Variants in ELOVL6 observed in about 807,000 individuals in gnomAD.
The protein encoded by ELOVL6 is ELOVL fatty acid elongase 6.
In ELOVL6, 8 loss-of-function variants were observed where a neutral mutation model predicts 31.7. The observed-to-expected ratio is 0.25, with a 90% CI of 0.15 to 0.45. The LOEUF (loss-of-function observed/expected upper bound fraction) is 0.45. ELOVL6 is among the 20% of genes least tolerant of loss of function. The pLI is 1.00. For synonymous variants in ELOVL6, 101 were observed against 117.7 expected (o/e 0.86, Z 0.92); for missense variants, 126 against 326.4 (o/e 0.39, Z 4.73).
chr4:110,157,015 C>A (rs1758448202), intron 1 of ELOVL6, among the ~76,000 whole-genome samples: 1 of 152,150 alleles, frequency 6.6e-6, no homozygotes, highest in African/African-American at 2.4e-5. Flanking sequence ...CTGATAGAAA[C>A]TGGCTAATCA....
chr4:110,181,206 A>G (rs1373835585), intron 1 of ELOVL6, among the ~76,000 whole-genome samples: 1 of 151,982 alleles, frequency 6.6e-6, no homozygotes, highest in Non-Finnish European at 1.5e-5. Context: ...CAACACTCTG[A>G]GAGGCTGAGG....
At chr4:110,052,825 C>A (rs1236797482) in intron 3 of ELOVL6, among the ~76,000 whole-genome samples, 2 of 152,208 alleles carry the variant, frequency 1.3e-5, no homozygotes, top group East Asian at 1.9e-4. Flanking sequence ...CAGGTGAATG[C>A]GTCTTTCTCC....
intron 2 of ELOVL6, among the ~76,000 whole-genome samples, chr4:110,092,392 T>C (rs1756450659): frequency 1.3e-5 from 2 of 152,320 alleles, no homozygotes; most frequent in South Asian, 4.1e-4. Context: ...AGCATTTATA[T>C]GTAGGAAAAT....
intron 2 of ELOVL6, among the ~76,000 whole-genome samples, chr4:110,072,728 G>A (rs1377188912): frequency 2.6e-5 from 4 of 152,156 alleles, no homozygotes; most frequent in Non-Finnish European, 5.9e-5. Context: ...AGCTCTTGAA[G>A]TCTCCAAGAT....
chr4:110,147,291 A>AG (rs1487220997), intron 1 of ELOVL6: 1 of 157,682 alleles, frequency 6.3e-6, no homozygotes, highest in Non-Finnish European at 1.4e-5. Context: ...AAAAAAAAAA[A>AG]AAAAAGAAAA....
rs1054163608 is a variant in ELOVL6, at chr4:110,048,149, A to T, written c.*3189T>A. ...TTCCCTCTTCTCCCCTTACTTTTGTAGTGGAGCATAATTAGAAGGATGGGA... is the reference window on the plus strand; with the variant it reads ...TTCCCTCTTCTCCCCTTACTTTTGTTGTGGAGCATAATTAGAAGGATGGGA... On this transcript the variant is annotated 3_prime_UTR_variant, in exon 4 of 4. Transcript: ENST00000302274. 6.6e-6 allele frequency: 1 copy of T among 152,128 alleles called. No homozygotes were observed. The highest frequency in any genetic ancestry group is 2.4e-5 in the African/African-American group (1 of 41,426). 9.4% of individuals were successfully genotyped at this position (152,128 alleles called of 1,614,324 possible). A position where few individuals can be genotyped will look rare whatever the true frequency, so the allele number is the denominator to read the frequency against.
chr4:110,067,978 T>G (rs2126225662), intron 2 of ELOVL6, among the ~76,000 whole-genome samples: 1 of 152,318 alleles, frequency 6.6e-6, no homozygotes, highest in African/African-American at 2.4e-5. Context: ...ACTTAGACAT[T>G]AACGCCTTTC....
intron 2 of ELOVL6, among the ~76,000 whole-genome samples, chr4:110,061,549 CTTTTT>C (rs57846282): frequency 9.7e-4 from 70 of 72,374 alleles, no homozygotes; most frequent in Admixed American, 3.6e-3. Flanking sequence ...CAAATGATGG[CTTTTT>C]TTTTTTTTTT....
chr4:110,097,284 G>A (rs1756608041), intron 2 of ELOVL6, among the ~76,000 whole-genome samples: 1 of 129,668 alleles, frequency 7.7e-6, no homozygotes. Flanking sequence ...CAGCCTGGGT[G>A]ACAGAGCGAG....
intron 3 of ELOVL6, among the ~76,000 whole-genome samples, chr4:110,052,148 T>C (rs79281915): frequency 6.6e-6 from 1 of 152,314 alleles, no homozygotes; most frequent in Non-Finnish European, 1.5e-5. Flanking sequence ...CCAACTCAAC[T>C]ATACATTTTA....
chr4:110,059,251 C>CT (rs1755075612), intron 3 of ELOVL6, among the ~76,000 whole-genome samples: 1 of 152,166 alleles, frequency 6.6e-6, no homozygotes, highest in Non-Finnish European at 1.5e-5. Flanking sequence ...TTGGAAATAG[C>CT]TGTGTTGCTC....
intron 2 of ELOVL6, among the ~76,000 whole-genome samples, chr4:110,063,423 G>C (rs976418139): frequency 6.6e-6 from 1 of 151,482 alleles, no homozygotes; most frequent in South Asian, 2.1e-4. Flanking sequence ...GGACAGCCTA[G>C]GCAGTCCACA....
intron 1 of ELOVL6, among the ~76,000 whole-genome samples, chr4:110,194,103 C>T (rs889862502): frequency 6.6e-6 from 1 of 152,230 alleles, no homozygotes; most frequent in Non-Finnish European, 1.5e-5. Flanking sequence ...CTTCCCTTCT[C>T]ACTCAATGAA....
intron 1 of ELOVL6, among the ~76,000 whole-genome samples, chr4:110,127,204 C>T (rs1560834723): frequency 6.6e-6 from 1 of 151,762 alleles, no homozygotes; most frequent in Non-Finnish European, 1.5e-5. Context: ...GTCAGGAGTT[C>T]GAGACCAGCC....
intron 2 of ELOVL6, 49 bp from the exon 3 acceptor site, chr4:110,059,803 C>T (rs1755089631): frequency 1.9e-6 from 3 of 1,551,034 alleles, no homozygotes; most frequent in Admixed American, 1.8e-5. Context: ...AATAGTTTCA[C>T]TTCTCACATC....
intron 2 of ELOVL6, among the ~76,000 whole-genome samples, chr4:110,104,005 T>C (rs1756820876): frequency 1.3e-5 from 2 of 152,210 alleles, no homozygotes; most frequent in African/African-American, 4.8e-5. Context: ...AATTTGGGGA[T>C]GAGAAACAAG....
At chr4:110,120,798 CTT>C (rs1008949209) in intron 1 of ELOVL6, among the ~76,000 whole-genome samples, 9 of 117,862 alleles carry the variant, frequency 7.6e-5, no homozygotes, top group Admixed American at 5.0e-4. Flanking sequence ...TTTTTCTTTT[CTT>C]TTTTTTTTTT....
At chr4:110,103,326 C>G (rs972298547) in intron 2 of ELOVL6, among the ~76,000 whole-genome samples, 7 of 151,986 alleles carry the variant, frequency 4.6e-5, no homozygotes, top group Non-Finnish European at 8.8e-5. Flanking sequence ...CTATCACCAT[C>G]AAAAGGAATA....
At chr4:110,079,615 C>T (rs1274492138) in intron 2 of ELOVL6, among the ~76,000 whole-genome samples, 2 of 152,114 alleles carry the variant, frequency 1.3e-5, no homozygotes, top group Admixed American at 6.5e-5. Context: ...ATTTACAGCA[C>T]TAAATGCCCA....
Sources: allele counts gnomAD v4.1 joint callset (sites outside exome capture counted in the v4.1 genomes callset), GRCh38; gene constraint gnomAD v4.1.1; transcripts MANE v1.5; gene names NCBI Gene and HGNC (gene_info 2026-07-23, HGNC 2026-07-21).